The following NRG3 variants were observed in gnomAD, a reference collection of about 807,000 sequenced individuals.
NRG3 encodes the protein neuregulin 3.
In NRG3, 31 loss-of-function variants were observed where a neutral mutation model predicts 66.9. The observed-to-expected ratio is 0.46, with a 90% CI of 0.35 to 0.63. The LOEUF is 0.63. Ranked by LOEUF, NRG3 falls within the 20% of genes least tolerant of loss-of-function variation. The pLI is 0.00. For synonymous variants in NRG3, 393 were observed against 359.4 expected (o/e 1.09, Z -1.06); for missense variants, 910 against 878.9 (o/e 1.04, Z -0.45).
chr10:82,623,349 G>C (rs1442392805), intron 2 of NRG3, among the ~76,000 whole-genome samples: 2 of 152,112 alleles, frequency 1.3e-5, no homozygotes, highest in Non-Finnish European at 2.9e-5. Flanking sequence ...GTGTACTATT[G>C]CCTTTAAGGG....
intron 4 of NRG3, among the ~76,000 whole-genome samples, chr10:82,886,825 T>C (rs1564603200): frequency 6.6e-6 from 1 of 152,238 alleles, no homozygotes; most frequent in Non-Finnish European, 1.5e-5. Flanking sequence ...TTTACTGCTT[T>C]TGTCTTTAAA....
At chr10:82,728,424 T>C (rs1191483978) in intron 2 of NRG3, among the ~76,000 whole-genome samples, 1 of 152,198 alleles carries the variant, frequency 6.6e-6, no homozygotes, top group Non-Finnish European at 1.5e-5. Flanking sequence ...CAAGATCCGA[T>C]GGTTTAAAAA....
At chr10:82,921,448 T>C (rs903286777) in intron 4 of NRG3, among the ~76,000 whole-genome samples, 7 of 152,194 alleles carry the variant, frequency 4.6e-5, no homozygotes, top group Admixed American at 6.5e-5. Context: ...GTATAGACTT[T>C]AGTTAATATT....
chr10:82,853,239 A>G (rs2063649506), intron 3 of NRG3, among the ~76,000 whole-genome samples: 1 of 152,158 alleles, frequency 6.6e-6, no homozygotes, highest in Non-Finnish European at 1.5e-5. Context: ...AGAAATTAGT[A>G]TAAAGTTTTT....
At position 82,808,105 on chromosome 10, in the gene NRG3, C is replaced by T. The variant is rs531801154; in HGVS notation, c.1028-57306C>T. 4.6e-5 allele frequency among the ~76,000 whole-genome samples: 7 copies of T among 151,782 alleles called. No homozygotes were observed. The East Asian group carries it at 1.2e-3, about 25-fold the overall frequency. On this transcript the variant is annotated intron_variant, in intron 3 of 8. Coordinates refer to ENST00000372141, the MANE Select transcript of NRG3 (RefSeq NM_001010848.4). ...GAATGAGGAACATTTATGGTTAATTCGTAGGTTCTTCACTTATTTTCATCT... is the reference window on the plus strand; with the variant it reads ...GAATGAGGAACATTTATGGTTAATTTGTAGGTTCTTCACTTATTTTCATCT...
At chr10:82,486,659 A>C (rs1026611388) in intron 2 of NRG3, among the ~76,000 whole-genome samples, 2 of 151,968 alleles carry the variant, frequency 1.3e-5, no homozygotes, top group Admixed American at 1.3e-4. Context: ...TGATCTGCCC[A>C]CCTCAGCCTC....
At chr10:82,234,188 AT>A (rs1447465328) in intron 1 of NRG3, among the ~76,000 whole-genome samples, 15 of 152,060 alleles carry the variant, frequency 9.9e-5, no homozygotes, top group Admixed American at 3.3e-4. Context: ...TTCCAACATA[AT>A]TTTTTTCACT....
At chr10:82,145,749 T>C (rs2070203103) in intron 1 of NRG3, among the ~76,000 whole-genome samples, 1 of 152,186 alleles carries the variant, frequency 6.6e-6, no homozygotes. Context: ...ATAGTAAGTA[T>C]TGTGTGGTTA....
At chr10:81,886,161 A>G (rs1259685539) in intron 1 of NRG3, among the ~76,000 whole-genome samples, 2 of 152,104 alleles carry the variant, frequency 1.3e-5, no homozygotes, top group African/African-American at 2.4e-5. Context: ...GTATCCCAGA[A>G]CTTAAATAAA....
At position 82,922,142 on chromosome 10, in the gene NRG3, C is replaced by T. The variant is rs981407857; in HGVS notation, c.1055-29327C>T. Among the ~76,000 whole-genome samples, 7 of 151,810 alleles carry T rather than the reference C, an allele frequency of 4.6e-5. No individual in the cohort carries two copies. The East Asian group carries it at 7.7e-4, about 17-fold the overall frequency. ...ATATAGAGACTGGGGGGAAGAGAAC[C>T]GGAAGAGGATGTATAATATTCTATA... On this transcript the variant is annotated intron_variant, in intron 4 of 8. Coordinates refer to ENST00000372141, the MANE Select transcript of NRG3 (RefSeq NM_001010848.4).
chr10:82,691,108 A>C (rs1000935439), intron 2 of NRG3, among the ~76,000 whole-genome samples: 12 of 152,160 alleles, frequency 7.9e-5, no homozygotes, highest in Non-Finnish European at 1.6e-4. Flanking sequence ...CCGACGAACA[A>C]AAATTATGAT....
At chr10:82,148,327 A>G (rs188022918) in intron 1 of NRG3, among the ~76,000 whole-genome samples, 2 of 152,208 alleles carry the variant, frequency 1.3e-5, no homozygotes, top group Admixed American at 1.3e-4. Flanking sequence ...GCAAGACCCC[A>G]TTTCTAAAAC....
intron 2 of NRG3, among the ~76,000 whole-genome samples, chr10:82,711,527 CTGTGTGTTTG>C: frequency 8.6e-6 from 1 of 116,302 alleles, no homozygotes; most frequent in African/African-American, 3.3e-5. Context: ...CTGGATTTAT[CTGTGTGTTTG>C]TGTGTGTGTG....
chr10:82,554,129 G>A (rs1372501111), intron 2 of NRG3, among the ~76,000 whole-genome samples: 1 of 152,132 alleles, frequency 6.6e-6, no homozygotes, highest in Non-Finnish European at 1.5e-5. Context: ...TTACAGGAAG[G>A]TGAATTAAAA....
intron 2 of NRG3, among the ~76,000 whole-genome samples, chr10:82,441,391 C>T (rs906216949): frequency 3.5e-4 from 54 of 152,268 alleles, no homozygotes; most frequent in African/African-American, 8.7e-4. Context: ...AACTGTACTG[C>T]GGTAGAAACA....
At chr10:82,648,380 C>A (rs2133867307) in intron 2 of NRG3, among the ~76,000 whole-genome samples, 1 of 152,070 alleles carries the variant, frequency 6.6e-6, no homozygotes, top group South Asian at 2.1e-4. Flanking sequence ...GTTTTGGTAC[C>A]AGTACCATGC....
intron 1 of NRG3, among the ~76,000 whole-genome samples, chr10:82,044,722 C>T (rs1174351544): frequency 6.6e-6 from 1 of 151,922 alleles, no homozygotes; most frequent in South Asian, 2.1e-4. Context: ...GCTATCCCTC[C>T]CTGCTCTCCC....
Position 82,917,932 on chromosome 10 carries a change from C to T in NRG3, c.1055-33537C>T, listed in dbSNP as rs1045410138. 2.8e-5 allele frequency among the ~76,000 whole-genome samples: 4 copies of T among 144,878 alleles called. No individual in the cohort carries two copies. The East Asian group carries it at 8.0e-4, about 29-fold the overall frequency. On this transcript the variant is annotated intron_variant, in intron 4 of 8. Coordinates refer to ENST00000372141, the MANE Select transcript of NRG3 (RefSeq NM_001010848.4). ...ATTGTATTTTTATATATACACACAC[C>T]CCTGTGTGTATGTGGGATTGTGTGT...
chr10:82,741,828 C>T (rs1182100530), intron 3 of NRG3, among the ~76,000 whole-genome samples: 1 of 151,474 alleles, frequency 6.6e-6, no homozygotes, highest in African/African-American at 2.4e-5. Context: ...ACATTTATCA[C>T]TCTAAATTCC....
Sources: gnomAD v4.1 joint callset for allele counts (sites outside exome capture counted in the v4.1 genomes callset) on GRCh38, gnomAD v4.1.1 for gene constraint, MANE v1.5 for transcripts, NCBI Gene and HGNC (gene_info 2026-07-23, HGNC 2026-07-21) for gene names.